DNAJA3: variants seen among roughly 807,000 people sequenced by gnomAD.
DNAJA3 encodes dnaJ homolog subfamily A member 3, mitochondrial.
DNAJA3 carries 29 observed loss-of-function variants against 54.9 expected under a neutral mutation model. The ratio of observed to expected loss-of-function variants is 0.53; its 90% CI spans 0.39 to 0.72. The LOEUF (loss-of-function observed/expected upper bound fraction) is 0.72, where lower values mean the gene tolerates loss of function less well. Ranked by LOEUF, DNAJA3 falls within the 30% of genes least tolerant of loss-of-function variation. The pLI, the probability that DNAJA3 is intolerant of heterozygous loss-of-function variation, is 0.00. For missense variants in DNAJA3, 708 were observed against 639.4 expected (o/e 1.11, Z -1.16); for synonymous variants, 302 against 251.4 (o/e 1.20, Z -1.90).
In DNAJA3 at chr16:4,432,100, C is replaced by G. The variant is rs540188294; in HGVS notation, c.212-2284C>G. Among the ~76,000 whole-genome samples, 35 of 150,916 alleles carry G rather than the reference C, an allele frequency of 2.3e-4. No individual in the cohort carries two copies. The East Asian group carries it at 6.2e-3, about 27-fold the overall frequency. On this transcript the variant is annotated intron_variant, in intron 1 of 11. Transcript: ENST00000262375. ...GTATGGATTCAAAGTCCTCTTTAGC[C>G]TATTTCTGTCTCTCTCTCTTTTTTT...
chr16:4,443,377 A>G (rs1329401160), intron 6 of DNAJA3, among the ~76,000 whole-genome samples: 2 of 151,958 alleles, frequency 1.3e-5, no homozygotes, highest in Non-Finnish European at 2.9e-5. Context: ...TTATCCTTAA[A>G]ATTTACACTT....
In DNAJA3 at chr16:4,447,021, G is replaced by C; in HGVS notation, c.1125+7G>C. 1.2e-6 allele frequency: 2 copies of C among 1,612,254 alleles called. No homozygotes were observed. Among genetic ancestry groups the C allele is most frequent in the East Asian group, 4.5e-5 (2 of 44,852 alleles). ...CGAGACGATCAACGTGACGGTAAGA[G>C]GGTGTGAGAACACCTTTGTCACCCC... On this transcript the variant is annotated splice_region_variant and intron_variant, in intron 8 of 11. Transcript: ENST00000262375.
intron 5 of DNAJA3, chr16:4,442,792 T>G: frequency 1.7e-6 from 1 of 588,384 alleles, no homozygotes; most frequent in Non-Finnish European, 3.0e-6. Flanking sequence ...TTTTTCAGTG[T>G]CGTGTGGTCA....
At position 4,425,872 on chromosome 16, in the gene DNAJA3, C is replaced by T. The variant is rs557544688; in HGVS notation, c.-10C>T. On this transcript the variant is annotated 5_prime_UTR_variant, in exon 1 of 12. Transcript: ENST00000262375. Reference sequence around the variant, plus strand: ...GCCGGGCGGCGCAGGCGCAGAGTCCCCGGGCCAAGATGGCTGCGCGGTGCT... The same window carrying T: ...GCCGGGCGGCGCAGGCGCAGAGTCCTCGGGCCAAGATGGCTGCGCGGTGCT... 28 of 1,522,378 alleles carry T rather than the reference C, an allele frequency of 1.8e-5. 1 individual carries two copies. In the African/African-American group the frequency reaches 3.5e-4, roughly 19 times the overall value. 94.3% of individuals were successfully genotyped at this position (1,522,378 alleles called of 1,614,324 possible).
In DNAJA3 at chr16:4,455,558, C is replaced by T. The variant is rs530402067; in HGVS notation, c.*26C>T. 1 of 1,551,782 alleles carries T rather than the reference C, an allele frequency of 6.4e-7. No homozygotes were observed. The highest frequency in any genetic ancestry group is 2.0e-5 in the Admixed American group (1 of 50,974). ...CTCTTTGGCTCAGGAAAAAGATCCA[C>T]TGGAAACTAGGCCGGGAAGCAGCAG... On this transcript the variant is annotated 3_prime_UTR_variant, in exon 12 of 12. Coordinates refer to ENST00000262375, the MANE Select transcript of DNAJA3 (RefSeq NM_005147.6).
chr16:4,434,680 T>C (rs1489110909), intron 2 of DNAJA3, among the ~76,000 whole-genome samples, 163 bp downstream of exon 2: 3 of 152,122 alleles, frequency 2.0e-5, no homozygotes, highest in African/African-American at 7.2e-5. Flanking sequence ...TGTTTTTCGA[T>C]GCACAATGCT....
At chr16:4,449,287 T>C (rs781270671) in intron 9 of DNAJA3, among the ~76,000 whole-genome samples, 19 of 152,066 alleles carry the variant, frequency 1.2e-4, no homozygotes, top group Non-Finnish European at 2.2e-4. Flanking sequence ...TGAGCCACCA[T>C]GCCCGGCCAG....
chr16:4,451,803 G>A (rs1809753605), intron 10 of DNAJA3, among the ~76,000 whole-genome samples: 2 of 144,508 alleles, frequency 1.4e-5, no homozygotes, highest in Non-Finnish European at 3.0e-5. Flanking sequence ...GCTCACGCCT[G>A]TAATCCTAGC....
In DNAJA3 at chr16:4,448,867, G is replaced by A; in HGVS notation, c.1241+19G>A. ...TTCCAAAGTAAGTGCCCCCTAGGCT[G>A]TGGCCAAGCCCGCCTGGTCCTGCGG... On this transcript the variant is annotated intron_variant, in intron 9 of 11. Transcript: ENST00000262375. 1 of 1,596,490 alleles carries A rather than the reference G, an allele frequency of 6.3e-7. No homozygotes were observed. The highest frequency in any genetic ancestry group is 8.6e-7 in the Non-Finnish European group (1 of 1,166,072).
chr16:4,448,940 G>A (rs950614750), intron 9 of DNAJA3, 92 bp downstream of exon 9: 1 of 878,824 alleles, frequency 1.1e-6, no homozygotes, highest in African/African-American at 1.7e-5. Flanking sequence ...ACTGCTCCCT[G>A]TAAGTCAGGT....
At chr16:4,442,509 C>A in intron 5 of DNAJA3, 89 bp downstream of exon 5, 1 of 1,407,624 alleles carries the variant, frequency 7.1e-7, no homozygotes, top group Non-Finnish European at 9.4e-7. Flanking sequence ...AGAACGTATG[C>A]TGGGAATTGG....
chr16:4,448,337 C>T (rs1400381506), intron 8 of DNAJA3, among the ~76,000 whole-genome samples: 3 of 149,052 alleles, frequency 2.0e-5, no homozygotes, highest in Admixed American at 6.7e-5. Flanking sequence ...TTTTTTTACC[C>T]ACCCCCTCCA....
intron 3 of DNAJA3, among the ~76,000 whole-genome samples, chr16:4,439,187 C>T (rs1037929450): frequency 1.3e-5 from 2 of 151,730 alleles, no homozygotes; most frequent in East Asian, 1.9e-4. Flanking sequence ...ATGGTGAAAC[C>T]CCATCTCTAC....
intron 11 of DNAJA3, 140 bp from the exon 12 acceptor site, chr16:4,455,406 T>A (rs2057024283): frequency 9.9e-7 from 1 of 1,006,812 alleles, no homozygotes; most frequent in African/African-American, 1.6e-5. Flanking sequence ...CCACTTTGGT[T>A]TATTATGCTC....
At chr16:4,443,874 G>C (rs1175730980) in intron 6 of DNAJA3, among the ~76,000 whole-genome samples, 3 of 152,044 alleles carry the variant, frequency 2.0e-5, no homozygotes, top group Non-Finnish European at 2.9e-5. Flanking sequence ...TTTTAGTAGA[G>C]ACGGGGTTTC....
intron 1 of DNAJA3, among the ~76,000 whole-genome samples, chr16:4,427,704 C>T (rs980216141): frequency 6.6e-6 from 1 of 152,198 alleles, no homozygotes; most frequent in African/African-American, 2.4e-5. Flanking sequence ...GACAGGGCCT[C>T]CTGTTGCCCA....
chr16:4,435,140 T>A (rs1018316459), intron 2 of DNAJA3, among the ~76,000 whole-genome samples: 1 of 152,222 alleles, frequency 6.6e-6, no homozygotes, highest in Non-Finnish European at 1.5e-5. Flanking sequence ...CCTCAGGTGA[T>A]CCACCTGCCT....
At position 4,454,773 on chromosome 16, in the gene DNAJA3, GGCCCATGAC is replaced by G. The variant is rs200447018; in HGVS notation, c.1340-34_1340-26del. ...CCTGGGATGTGACTGTGGAAGTGCA[GGCCCATGAC>G]GCCAGTTCTTTCTGCTGTTTGTGCC... On this transcript the variant is annotated intron_variant, in intron 10 of 11. Transcript: ENST00000262375. 10 of 1,503,074 alleles carry G rather than the reference GGCCCATGAC, an allele frequency of 6.7e-6. No individual in the cohort carries two copies. The East Asian group carries it at 2.3e-4, about 34-fold the overall frequency. 93.1% of individuals were successfully genotyped at this position (1,503,074 alleles called of 1,614,324 possible).
Position 4,441,525 on chromosome 16 carries a change from T to G in DNAJA3, c.580T>G (p.Ser194Ala). 2.5e-6 allele frequency: 4 copies of G among 1,614,226 alleles called. No homozygotes were observed. The highest frequency in any genetic ancestry group is 3.4e-6 in the Non-Finnish European group (4 of 1,180,048). ...ELFRKIFGEF[S>A]SSSFGDFQTV... ...GTTCAGGAAGATCTTTGGCGAGTTCTCATCCTCTTCATTTGGAGATTTCCA... is the reference window on the plus strand; with the variant it reads ...GTTCAGGAAGATCTTTGGCGAGTTCGCATCCTCTTCATTTGGAGATTTCCA... The change falls in exon 4 of 12, where the codon TCA (serine) becomes GCA (alanine). Residue 194 changes from serine (S) to alanine (A), a missense_variant. Transcript: ENST00000262375.
Sources: gnomAD v4.1 joint callset for allele counts (sites outside exome capture counted in the v4.1 genomes callset) on GRCh38, gnomAD v4.1.1 for gene constraint, MANE v1.5 for transcripts, NCBI Gene and HGNC (gene_info 2026-07-23, HGNC 2026-07-21) for gene names.